WIPI2: variants seen among roughly 807,000 people sequenced by gnomAD.
The protein encoded by WIPI2 is WD repeat domain, phosphoinositide interacting 2.
A neutral mutation model predicts 52.3 loss-of-function variants in WIPI2; 28 were observed. The ratio of observed to expected loss-of-function variants is 0.54; its 90% confidence interval spans 0.40 to 0.73. The LOEUF (loss-of-function observed/expected upper bound fraction) is 0.73, where lower values mean the gene tolerates loss of function less well. Ranked by LOEUF, WIPI2 falls within the 30% of genes least tolerant of loss-of-function variation. The probability of loss-of-function intolerance (pLI) is 0.00; values close to 1 mark genes in which losing one functional copy is unlikely to be tolerated. For synonymous variants in WIPI2, 268 were observed against 245.0 expected (o/e 1.09, Z -0.88); for missense variants, 506 against 602.9 (o/e 0.84, Z 1.68).
chr7:5,210,186 G>T (rs1782486520), intron 3 of WIPI2, among the ~76,000 whole-genome samples: 1 of 152,246 alleles, frequency 6.6e-6, no homozygotes, highest in African/African-American at 2.4e-5. Flanking sequence ...TGGGACTCCA[G>T]GCGTGAGCCC....
At chr7:5,222,826 T>C in intron 8 of WIPI2, 154 bp downstream of exon 8, 3 of 711,774 alleles carry the variant, frequency 4.2e-6, no homozygotes, top group Non-Finnish European at 7.2e-6. Context: ...GGCGTCGGTC[T>C]TGTCATGGGA....
Position 5,224,739 on chromosome 7 carries a change from G to A in WIPI2, c.741-1084G>A, listed in dbSNP as rs1362387559. ...TGTGGGGCCGCCGGATCCATCAAGT[G>A]CAGGGTCTGCAAAATACCATAAGCA... is the stretch of plus-strand genomic sequence containing the variant. On this transcript the variant is annotated intron_variant, in intron 8 of 12. Coordinates refer to ENST00000288828, the MANE Select transcript of WIPI2 (RefSeq NM_015610.4). 2.0e-5 allele frequency among the ~76,000 whole-genome samples: 3 copies of A among 152,218 alleles called. No individual in the cohort carries two copies. In the South Asian group the frequency reaches 6.2e-4, roughly 32 times the overall value.
Position 5,212,316 on chromosome 7 carries a change from G to C in WIPI2, c.212-2219G>C, listed in dbSNP as rs1272702575. Among the ~76,000 whole-genome samples, 3 of 152,144 alleles carry C rather than the reference G, an allele frequency of 2.0e-5. No homozygotes were observed. The East Asian group carries it at 5.8e-4, about 29-fold the overall frequency. ...AGTGGTAAGCGCGGTGACTACTAGA[G>C]GCAACAGGTACAGGATGCAACCGGG... On this transcript the variant is annotated intron_variant, in intron 3 of 12. Coordinates refer to ENST00000288828, the MANE Select transcript of WIPI2 (RefSeq NM_015610.4).
In WIPI2 at chr7:5,231,701, T is replaced by C. The variant is rs1399061023; in HGVS notation, c.*754T>C. 1 of 153,300 alleles carries C rather than the reference T, an allele frequency of 6.5e-6. No individual in the cohort carries two copies. Among genetic ancestry groups the C allele is most frequent in the Non-Finnish European group, 1.5e-5 (1 of 68,842 alleles). The allele number at this position is 153,300 out of a possible 1,614,324, so 9.5% of individuals were successfully genotyped here. ...AGGAAAGCGATTTTGTTTGTATAAT[T>C]AAATGATCTGTTCTTCTACTTCACT... is the stretch of plus-strand genomic sequence containing the variant. On this transcript the variant is annotated 3_prime_UTR_variant, in exon 13 of 13. Coordinates refer to ENST00000288828, the MANE Select transcript of WIPI2 (RefSeq NM_015610.4).
intron 2 of WIPI2, among the ~76,000 whole-genome samples, chr7:5,194,354 T>G (rs924834329): frequency 6.6e-6 from 1 of 152,214 alleles, no homozygotes; most frequent in Non-Finnish European, 1.5e-5. Flanking sequence ...CAATCAAGTA[T>G]GGCTTCTCCG....
intron 7 of WIPI2, 93 bp downstream of exon 7, chr7:5,218,107 T>TA (rs1355705284): frequency 7.5e-7 from 1 of 1,331,044 alleles, no homozygotes; most frequent in African/African-American, 1.4e-5. Context: ...GGCAAGGTCC[T>TA]ATACTTACCA....
At chr7:5,190,515 G>C in intron 1 of WIPI2, 22 bp downstream of exon 1, 1 of 1,485,824 alleles carries the variant, frequency 6.7e-7, no homozygotes, top group Non-Finnish European at 9.0e-7. Context: ...GTCGGGGGTC[G>C]GAGTCGGGGT....
chr7:5,217,788 A>G, intron 6 of WIPI2, 134 bp from the exon 7 acceptor site: 1 of 807,646 alleles, frequency 1.2e-6, no homozygotes, highest in South Asian at 1.6e-5. Flanking sequence ...CAGTAAATCA[A>G]GTGGGTTTGG....
chr7:5,214,970 T>C (rs1018251848), intron 4 of WIPI2, among the ~76,000 whole-genome samples: 1 of 152,210 alleles, frequency 6.6e-6, no homozygotes, highest in African/African-American at 2.4e-5. Flanking sequence ...TGGATGGCAG[T>C]CTCTTTCACC....
intron 2 of WIPI2, among the ~76,000 whole-genome samples, chr7:5,197,732 C>T (rs530102528): frequency 1.3e-5 from 2 of 152,240 alleles, no homozygotes; most frequent in South Asian, 4.1e-4. Context: ...ATTAAAATAG[C>T]CCTGATCCTA....
rs773258220 is a variant in WIPI2 at position 5,227,137 on chromosome 7, A to G, written c.849-43A>G. 5.3e-5 allele frequency: 85 copies of G among 1,610,922 alleles called. No individual in the cohort carries two copies. Among genetic ancestry groups the G allele is most frequent in the Non-Finnish European group, 6.4e-5 (76 of 1,178,716 alleles). ...GTGAGTAGGGGGTGGCCGTCCCCCCAGGGAGGGTGCAGCTTCATGTGTCTG... is the reference window on the plus strand; with the variant it reads ...GTGAGTAGGGGGTGGCCGTCCCCCCGGGGAGGGTGCAGCTTCATGTGTCTG... On this transcript the variant is annotated intron_variant, in intron 9 of 12. Transcript: ENST00000288828. The surrounding 1 kb of genome is among the most constrained non-coding windows in gnomAD (Gnocchi z 8.1).
At chr7:5,228,062 G>A in intron 10 of WIPI2, 42 bp from the exon 11 acceptor site, 1 of 1,596,886 alleles carries the variant, frequency 6.3e-7, no homozygotes, top group East Asian at 2.2e-5. Flanking sequence ...GACCGTTTCT[G>A]TGACAGTTGT....
intron 8 of WIPI2, among the ~76,000 whole-genome samples, chr7:5,223,210 C>T (rs548608606): frequency 6.6e-6 from 1 of 152,208 alleles, no homozygotes; most frequent in African/African-American, 2.4e-5. Flanking sequence ...CCTCCCTCGT[C>T]GGACAGTAGA....
intron 1 of WIPI2, among the ~76,000 whole-genome samples, chr7:5,191,897 A>C (rs1781500971): frequency 6.6e-6 from 1 of 152,158 alleles, no homozygotes; most frequent in African/African-American, 2.4e-5. Flanking sequence ...TGAGAGTCGG[A>C]AGGGGCAAAT....
intron 8 of WIPI2, among the ~76,000 whole-genome samples, chr7:5,223,829 C>T (rs367647995): frequency 2.0e-5 from 3 of 152,330 alleles, no homozygotes; most frequent in African/African-American, 7.2e-5. Context: ...GGCACCCAAG[C>T]CAGAGGGACT....
At chr7:5,199,531 G>C (rs369789444) in intron 2 of WIPI2, 45 bp from the exon 3 acceptor site, 5 of 1,555,614 alleles carry the variant, frequency 3.2e-6, no homozygotes, top group Non-Finnish European at 1.8e-6. Flanking sequence ...CATTGTCACT[G>C]TCTGCACGTA....
At chr7:5,199,704 A>G in intron 3 of WIPI2, 46 bp downstream of exon 3, 1 of 1,445,514 alleles carries the variant, frequency 6.9e-7, no homozygotes. Context: ...AAAAAAAAAA[A>G]GTTGTACTTG....
chr7:5,226,861 G>T, intron 9 of WIPI2: 1 of 237,526 alleles, frequency 4.2e-6, no homozygotes, highest in Non-Finnish European at 8.0e-6. Flanking sequence ...CAGAGACCTA[G>T]CAGGGGTCAT....
In WIPI2 at chr7:5,229,694, C is replaced by T; in HGVS notation, c.1208C>T (p.Ala403Val). 1 of 1,614,098 alleles carries T rather than the reference C, an allele frequency of 6.2e-7. No homozygotes were observed. Among genetic ancestry groups the T allele is most frequent in the Admixed American group, 1.7e-5 (1 of 60,010 alleles). ...TTAGTCACTCAGACATACGGCGCAG[C>T]TGCAGGAAAAGGTACTTACGTGCCT... ...CPLVTQTYGAAAGKGTYVPSS... is the reference protein window; with the variant it reads ...CPLVTQTYGAVAGKGTYVPSS... The change falls in exon 12 of 13, where the codon GCT (alanine) becomes GTT (valine). Residue 403 changes from alanine (A) to valine (V), a missense_variant. Ala to Val is a moderately conservative substitution (Grantham distance 64). Coordinates refer to ENST00000288828, the MANE Select transcript of WIPI2 (RefSeq NM_015610.4).
Sources: allele counts gnomAD v4.1 joint callset (sites outside exome capture counted in the v4.1 genomes callset), GRCh38; gene constraint gnomAD v4.1.1; non-coding constraint Gnocchi (gnomAD v3.1); transcripts MANE v1.5; gene names NCBI Gene and HGNC (gene_info 2026-07-23, HGNC 2026-07-21).